CNTRL: variants seen among roughly 807,000 people sequenced by gnomAD.
CNTRL encodes the protein centriolin.
Under a neutral mutation model 303.7 loss-of-function variants are expected in CNTRL, and 233 were observed. That is an observed-to-expected ratio of 0.77 (90% confidence interval 0.69 to 0.86). The LOEUF is 0.86. Ranked by LOEUF, CNTRL falls within the 40% of genes least tolerant of loss-of-function variation. The pLI, the probability that CNTRL is intolerant of heterozygous loss-of-function variation, is 0.00. For missense variants in CNTRL, 2,524 were observed against 2,650.6 expected (o/e 0.95, Z 1.05); for synonymous variants, 900 against 922.2 (o/e 0.98, Z 0.44).
intron 34 of CNTRL, 169 bp downstream of exon 34, chr9:121,162,440 T>C (rs1393007220): frequency 1.6e-6 from 1 of 620,184 alleles, no homozygotes; most frequent in South Asian, 1.8e-5. Flanking sequence ...TTCTAGCTTT[T>C]TTTTTTTTTG....
At chr9:121,166,976 G>A (rs531815933) in intron 36 of CNTRL, among the ~76,000 whole-genome samples, 3 of 149,474 alleles carry the variant, frequency 2.0e-5, no homozygotes, top group Non-Finnish European at 3.0e-5. Context: ...AGCTGAGATT[G>A]CACCATTGTA....
chr9:121,081,282 T>C (rs1336025843), intron 2 of CNTRL, among the ~76,000 whole-genome samples: 1 of 152,246 alleles, frequency 6.6e-6, no homozygotes, highest in East Asian at 1.9e-4. Flanking sequence ...CTCAAAATGT[T>C]CTTCCTACTG....
Position 121,146,229 on chromosome 9 carries a change from C to G in CNTRL, c.3432C>G (p.Tyr1144Ter). Residue 1144 changes from tyrosine to a stop codon, truncating the protein, a stop_gained, in exon 23 of 44, where the codon TAC becomes TAG. Coordinates refer to ENST00000373855, the MANE Select transcript of CNTRL (RefSeq NM_007018.6). LOFTEE classifies it high-confidence loss of function. The stretch of plus-strand genomic sequence containing the variant: ...CTTTCAAAAGACGAGGCTATTGGTA[C>G]TTTATGCCACCACCACCATCATCAA... The part of the protein sequence containing the change: ...ADPFKRRGYW[Y>*]FMPPPPSSKV... 1 of 1,612,516 alleles carries G rather than the reference C, an allele frequency of 6.2e-7. No individual in the cohort carries two copies. Among genetic ancestry groups the G allele is most frequent in the Non-Finnish European group, 8.5e-7 (1 of 1,179,596 alleles).
At chr9:121,148,607 G>A in intron 23 of CNTRL, 65 bp from the exon 24 acceptor site, 1 of 1,445,612 alleles carries the variant, frequency 6.9e-7, no homozygotes, top group Non-Finnish European at 9.4e-7. Flanking sequence ...TGTAGACTTT[G>A]ACGTTTCTTA....
chr9:121,113,477 C>A, intron 9 of CNTRL, 25 bp from the exon 10 acceptor site: 1 of 1,343,338 alleles, frequency 7.4e-7, no homozygotes, highest in Non-Finnish European at 1.0e-6. Context: ...CTTATTAAAC[C>A]ATAAATCTAT....
chr9:121,104,486 G>A (rs146245809), intron 7 of CNTRL, among the ~76,000 whole-genome samples: 19 of 152,088 alleles, frequency 1.2e-4, no homozygotes, highest in African/African-American at 3.6e-4. Flanking sequence ...TAACCTGCAC[G>A]TTGTGCACAT....
intron 2 of CNTRL, among the ~76,000 whole-genome samples, chr9:121,084,942 T>C (rs757813555): frequency 2.0e-5 from 3 of 152,172 alleles, no homozygotes; most frequent in Non-Finnish European, 4.4e-5. Flanking sequence ...GGAAAAGAAA[T>C]ATTTTTATAT....
chr9:121,135,903 T>C lies in CNTRL; in HGVS notation c.2123T>C (p.Leu708Pro), dbSNP rs755237986. Residue 708 changes from leucine (L) to proline (P), a missense_variant, in exon 15 of 44, where the codon CTA (leucine) becomes CCA (proline). Leu to Pro is a moderately conservative substitution (Grantham distance 98). Coordinates refer to ENST00000373855, the MANE Select transcript of CNTRL (RefSeq NM_007018.6). ...QGDLSAYEAE[L>P]EARLNLRDAE... ...GATCTCAGTGCCTATGAAGCTGAGC[T>C]AGAGGCTCGGCTAAACCTAAGGGAT... The C allele has an allele frequency of 1.2e-6, 2 of 1,614,010 alleles. No homozygotes were observed. Among genetic ancestry groups the C allele is most frequent in the Non-Finnish European group, 1.7e-6 (2 of 1,179,930 alleles).
chr9:121,177,050 CAA>C (rs2053556235), intron 43 of CNTRL, 111 bp from the exon 44 acceptor site: 1 of 794,264 alleles, frequency 1.3e-6, no homozygotes, highest in East Asian at 2.8e-5. Flanking sequence ...AACATTTTTC[CAA>C]AGAGGTACTC....
intron 3 of CNTRL, among the ~76,000 whole-genome samples, 164 bp from the exon 4 acceptor site, chr9:121,090,111 C>A (rs1488639303): frequency 7.7e-6 from 1 of 129,776 alleles, no homozygotes; most frequent in South Asian, 2.2e-4. Flanking sequence ...TTATGAAATG[C>A]TATGAAGTAA....
chr9:121,142,450 C>T (rs1398813561), intron 19 of CNTRL, among the ~76,000 whole-genome samples, 180 bp downstream of exon 19: 1 of 152,172 alleles, frequency 6.6e-6, no homozygotes, highest in African/African-American at 2.4e-5. Flanking sequence ...AAGCTAAGAC[C>T]ATGTGTTGTG....
Position 121,148,665 on chromosome 9 carries a change from G to A in CNTRL, c.3460-7G>A. On this transcript the variant is annotated splice_polypyrimidine_tract_variant and splice_region_variant and intron_variant, in intron 23 of 43. Transcript: ENST00000373855. ...TAGATAGTGTGCTCTGCTGTCATTT[G>A]TTTTAGGTTTCCAGCCATAGTTCCC... 1 of 1,610,448 alleles carries A rather than the reference G, an allele frequency of 6.2e-7. No homozygotes were observed. The highest frequency in any genetic ancestry group is 2.2e-5 in the East Asian group (1 of 44,774).
rs2048431457 is a variant in CNTRL, at chr9:121,088,439, T to C, written c.113T>C (p.Leu38Ser). The change falls in exon 3 of 44, where the codon TTG becomes TCG. Residue 38 changes from leucine (L) to serine (S), a missense_variant. By Grantham distance (145) the Leu-to-Ser change is moderately radical. Coordinates refer to ENST00000373855, the MANE Select transcript of CNTRL (RefSeq NM_007018.6). ...ATGAGATCTAGGTCACTTTCACCTT[T>C]GATTGGATCAGAGACTCTACCTTTT... ...SNMRSRSLSP[L>S]IGSETLPFHS... 1 of 1,612,432 alleles carries C rather than the reference T, an allele frequency of 6.2e-7. No homozygotes were observed. The highest frequency in any genetic ancestry group is 8.5e-7 in the Non-Finnish European group (1 of 1,178,460).
Position 121,173,685 on chromosome 9 carries a change from G to A in CNTRL, c.6695G>A (p.Trp2232Ter), listed in dbSNP as rs1374746872. 3 of 1,614,014 alleles carry A rather than the reference G, an allele frequency of 1.9e-6. No homozygotes were observed. Among genetic ancestry groups the A allele is most frequent in the Non-Finnish European group, 2.5e-6 (3 of 1,180,002 alleles). ...FSQVHIMDEH[W>*]RGEALREKLR... ...TTCCCTCTGAGAAAGGATGAACACT[G>A]GCGTGGAGAAGCACTCCGGGAGAAA... Residue 2232 changes from tryptophan to a stop codon, truncating the protein, a stop_gained, in exon 42 of 44, where the codon TGG becomes TAG. Transcript: ENST00000373855. LOFTEE classifies it high-confidence loss of function.
chr9:121,167,377 A>G (rs972581820), intron 36 of CNTRL, 112 bp from the exon 37 acceptor site: 5 of 812,402 alleles, frequency 6.2e-6, no homozygotes, highest in African/African-American at 1.7e-5. Context: ...AATAAAGGAA[A>G]TAAACTTTTA....
At chr9:121,088,063 A>T (rs908263942) in intron 2 of CNTRL, among the ~76,000 whole-genome samples, 1 of 152,170 alleles carries the variant, frequency 6.6e-6, no homozygotes, top group African/African-American at 2.4e-5. Context: ...AGGAATGACA[A>T]CACTTCCAGC....
Position 121,177,307 on chromosome 9 carries a change from C to T in CNTRL, c.*121C>T. The T allele has an allele frequency of 2.4e-6, 2 of 832,848 alleles. No individual in the cohort carries two copies. The highest frequency in any genetic ancestry group is 4.0e-6 in the Non-Finnish European group (2 of 503,862). The allele number at this position is 832,848 out of a possible 1,614,324, so 51.6% of individuals were successfully genotyped here. ...GCAGTGAACTGAGATTCTGAAACTC[C>T]ACTGTAGTTTACTTTGCCTGTACCA... On this transcript the variant is annotated 3_prime_UTR_variant, in exon 44 of 44. Transcript: ENST00000373855.
chr9:121,139,182 A>G (rs755204057), intron 16 of CNTRL, among the ~76,000 whole-genome samples: 4 of 152,206 alleles, frequency 2.6e-5, no homozygotes, highest in Non-Finnish European at 4.4e-5. Context: ...ATGTATGTCA[A>G]TATTTTTATA....
At chr9:121,135,090 T>C (rs2051109326) in intron 14 of CNTRL, among the ~76,000 whole-genome samples, 1 of 152,194 alleles carries the variant, frequency 6.6e-6, no homozygotes, top group South Asian at 2.1e-4. Context: ...CCCAAGTAAA[T>C]AGATGAAAGA....
Sources: allele counts gnomAD v4.1 joint callset (sites outside exome capture counted in the v4.1 genomes callset), GRCh38; gene constraint gnomAD v4.1.1; transcripts MANE v1.5; gene names NCBI Gene and HGNC (gene_info 2026-07-23, HGNC 2026-07-21).